Variants in PARD3B observed in about 807,000 individuals in gnomAD.
The protein encoded by PARD3B is partitioning defective 3 homolog B.
PARD3B carries 103 observed loss-of-function variants against 130.2 expected under a neutral mutation model. The observed-to-expected ratio is 0.79, with a 90% CI of 0.67 to 0.93. The LOEUF is 0.93. Ranked by LOEUF, PARD3B falls within the 40% of genes least tolerant of loss-of-function variation. The probability of loss-of-function intolerance (pLI) is 0.00; values close to 1 mark genes in which losing one functional copy is unlikely to be tolerated. For missense variants in PARD3B, 1,609 were observed against 1,499.2 expected (o/e 1.07, Z -1.21); for synonymous variants, 583 against 553.2 (o/e 1.05, Z -0.76).
intron 16 of PARD3B, among the ~76,000 whole-genome samples, chr2:205,264,442 A>G (rs1359397532): frequency 6.6e-6 from 1 of 151,164 alleles, no homozygotes; most frequent in Non-Finnish European, 1.5e-5. Flanking sequence ...TAGCAGCTGC[A>G]TGGAAATGCA....
chr2:204,689,219 C>T lies in PARD3B; in HGVS notation c.222+2937C>T, dbSNP rs1421588720. ...GTGCCTAAAGTGGTTTGTCTGTGGT[C>T]TTACTTCTATTATTCCTTTGGCCAA... On this transcript the variant is annotated intron_variant, in intron 2 of 22. Transcript: ENST00000406610. This position sits in a 1 kb window ranked among gnomAD's most constrained non-coding sequence, Gnocchi z 5.2. Among the ~76,000 whole-genome samples the T allele has an allele frequency of 1.3e-5, 2 of 152,104 alleles. No homozygotes were observed. The highest frequency in any genetic ancestry group is 3.9e-4 in the East Asian group (2 of 5,186).
At chr2:205,481,160 T>C (rs1288841504) in intron 20 of PARD3B, among the ~76,000 whole-genome samples, 1 of 152,202 alleles carries the variant, frequency 6.6e-6, no homozygotes, top group Non-Finnish European at 1.5e-5. Flanking sequence ...AGTGGATGTT[T>C]TTAAACAATT....
At chr2:205,560,432 T>G (rs976515711) in intron 22 of PARD3B, among the ~76,000 whole-genome samples, 1 of 151,132 alleles carries the variant, frequency 6.6e-6, no homozygotes, top group African/African-American at 2.4e-5. Flanking sequence ...GTGTAATTGC[T>G]AGATGAACAT....
intron 22 of PARD3B, among the ~76,000 whole-genome samples, chr2:205,614,150 T>C (rs551685879): frequency 3.3e-4 from 51 of 152,312 alleles, no homozygotes; most frequent in South Asian, 1.7e-3. Flanking sequence ...AACCCCAGGC[T>C]AGATAAAATG....
intron 2 of PARD3B, among the ~76,000 whole-genome samples, chr2:204,766,345 T>A (rs1394821735): frequency 6.6e-6 from 1 of 152,182 alleles, no homozygotes; most frequent in Non-Finnish European, 1.5e-5. Context: ...AAACAGTAAC[T>A]ACCCATTGTA....
intron 1 of PARD3B, among the ~76,000 whole-genome samples, chr2:204,663,691 G>C (rs1397420921): frequency 1.3e-5 from 2 of 152,188 alleles, no homozygotes; most frequent in Admixed American, 1.3e-4. Context: ...GTCTGTAGGA[G>C]AGTGTTAATA....
chr2:205,362,239 T>C (rs962892239), intron 18 of PARD3B, among the ~76,000 whole-genome samples: 2 of 152,210 alleles, frequency 1.3e-5, no homozygotes, highest in African/African-American at 4.8e-5. Flanking sequence ...AATATAGGTA[T>C]TATTATACAA....
chr2:205,393,129 A>G (rs544841429), intron 18 of PARD3B, among the ~76,000 whole-genome samples: 4 of 152,358 alleles, frequency 2.6e-5, no homozygotes, highest in African/African-American at 9.6e-5. Flanking sequence ...ATTACAATAC[A>G]TGGAAGTTAA....
Position 205,542,101 on chromosome 2 carries a change from C to A in PARD3B, c.3181-11223C>A, listed in dbSNP as rs560717030. Among the ~76,000 whole-genome samples, 3 of 143,012 alleles carry A rather than the reference C, an allele frequency of 2.1e-5. No homozygotes were observed. In the Middle Eastern group the frequency reaches 0.011, roughly 522 times the overall value. The allele number at this position is 143,012 out of a possible 152,430, so 93.8% of individuals were successfully genotyped here. On this transcript the variant is annotated intron_variant, in intron 21 of 22. Transcript: ENST00000406610. ...GAGGTTGCAGTAAGCTGAGATCACG[C>A]CACTGCACTCCAGCCTGGGCAACAA...
At chr2:204,968,827 G>T (rs1691466118) in intron 3 of PARD3B, among the ~76,000 whole-genome samples, 1 of 152,174 alleles carries the variant, frequency 6.6e-6, no homozygotes, top group Non-Finnish European at 1.5e-5. Context: ...ACATAAAGGG[G>T]TTCATAGTCT....
At chr2:205,167,618 T>C (rs2034894187) in intron 11 of PARD3B, among the ~76,000 whole-genome samples, 1 of 152,330 alleles carries the variant, frequency 6.6e-6, no homozygotes, top group East Asian at 1.9e-4. Context: ...AGGAGTAAAT[T>C]GTCTGCTACA....
intron 18 of PARD3B, among the ~76,000 whole-genome samples, chr2:205,310,587 G>T (rs1282503994): frequency 1.3e-5 from 2 of 151,898 alleles, no homozygotes; most frequent in Non-Finnish European, 2.9e-5. Flanking sequence ...GAGGTCATAT[G>T]GTATTTGTCT....
intron 19 of PARD3B, among the ~76,000 whole-genome samples, chr2:205,406,061 T>C (rs1240083135): frequency 1.3e-5 from 2 of 152,188 alleles, no homozygotes; most frequent in African/African-American, 4.8e-5. Context: ...ACACAGAGCA[T>C]GCGGGTACTA....
At chr2:204,746,851 G>T (rs951681364) in intron 2 of PARD3B, among the ~76,000 whole-genome samples, 1 of 152,006 alleles carries the variant, frequency 6.6e-6, no homozygotes. Context: ...AAATTTGTTT[G>T]AGTTCTTTGT....
At chr2:205,047,234 C>T (rs1305070174) in intron 3 of PARD3B, among the ~76,000 whole-genome samples, 1 of 152,184 alleles carries the variant, frequency 6.6e-6, no homozygotes, top group Admixed American at 6.5e-5. Context: ...TCCCTTCATT[C>T]GTCTCCTGGA....
intron 1 of PARD3B, among the ~76,000 whole-genome samples, chr2:204,599,003 A>G (rs569331782): frequency 6.6e-6 from 1 of 151,868 alleles, no homozygotes; most frequent in South Asian, 2.1e-4. Context: ...TTGTTGCTCT[A>G]TGGATAGATT....
intron 3 of PARD3B, among the ~76,000 whole-genome samples, chr2:205,008,896 T>G (rs1334288036): frequency 1.3e-5 from 2 of 152,004 alleles, no homozygotes; most frequent in Non-Finnish European, 2.9e-5. Context: ...TAAGTTACAG[T>G]CAAAAATCAA....
At chr2:205,178,508 T>C (rs1040535842) in intron 13 of PARD3B, among the ~76,000 whole-genome samples, 2 of 152,172 alleles carry the variant, frequency 1.3e-5, no homozygotes, top group African/African-American at 4.8e-5. Flanking sequence ...TTCTGAAATC[T>C]TAAATTGCAG....
intron 22 of PARD3B, among the ~76,000 whole-genome samples, chr2:205,557,470 T>A (rs1451190313): frequency 2.0e-5 from 3 of 152,056 alleles, no homozygotes; most frequent in Non-Finnish European, 4.4e-5. Flanking sequence ...CAGCTCAGAG[T>A]CCTGCATCTT....
Sources: gnomAD v4.1 joint callset for allele counts (sites outside exome capture counted in the v4.1 genomes callset) on GRCh38, gnomAD v4.1.1 for gene constraint, Gnocchi (gnomAD v3.1) non-coding constraint, MANE v1.5 for transcripts, NCBI Gene and HGNC (gene_info 2026-07-23, HGNC 2026-07-21) for gene names.